MMP13: variants seen among roughly 807,000 people sequenced by gnomAD.
The protein encoded by MMP13 is collagenase 3.
MMP13 carries 45 observed loss-of-function variants against 52.1 expected under a neutral mutation model. That is an observed-to-expected ratio of 0.86 (90% CI 0.68 to 1.11). MMP13 has a LOEUF of 1.11. MMP13 is among the 50% of genes least tolerant of loss of function. MMP13 has a pLI of 0.00. For synonymous variants in MMP13, 200 were observed against 204.4 expected (o/e 0.98, Z 0.18); for missense variants, 576 against 583.8 (o/e 0.99, Z 0.14).
At chr11:102,947,556 G>A (rs1368888665) in intron 8 of MMP13, among the ~76,000 whole-genome samples, 1 of 151,682 alleles carries the variant, frequency 6.6e-6, no homozygotes, top group Non-Finnish European at 1.5e-5. Flanking sequence ...CTGGATAACA[G>A]AGCAAGACTC....
rs17860568 is a variant in MMP13 at position 102,947,933 on chromosome 11, T to A, written c.1169A>T (p.Asp390Val). 4 of 1,613,966 alleles carry A rather than the reference T, an allele frequency of 2.5e-6. No homozygotes were observed. The Admixed American group carries it at 6.7e-5, about 27-fold the overall frequency. ...KKISAAVHFEDTGKTLLFSGN... is the reference protein window; with the variant it reads ...KKISAAVHFEVTGKTLLFSGN... ...TGAGAACAGGAGAGTCTTGCCTGTATCCTCAAAGTGAACAGCTGCACTTAT... is the reference window on the plus strand; with the variant it reads ...TGAGAACAGGAGAGTCTTGCCTGTAACCTCAAAGTGAACAGCTGCACTTAT... Residue 390 changes from aspartate to valine, a missense_variant, in exon 8 of 10, where the codon GAT (aspartate) becomes GTT (valine). By Grantham distance (152) the Asp-to-Val change is radical (BLOSUM62 -3). Transcript: ENST00000260302.
intron 8 of MMP13, among the ~76,000 whole-genome samples, chr11:102,946,882 T>C (rs1358434025): frequency 6.6e-6 from 1 of 152,152 alleles, no homozygotes; most frequent in East Asian, 1.9e-4. Context: ...TGTGCGGGTA[T>C]GCATGTGTGT....
In MMP13 at chr11:102,943,979, A is replaced by T; in HGVS notation, c.*287T>A. 2.6e-6 allele frequency: 1 copy of T among 377,372 alleles called. No homozygotes were observed. Among genetic ancestry groups the T allele is most frequent in the Non-Finnish European group, 5.1e-6 (1 of 196,940 alleles). The allele number at this position is 377,372 out of a possible 1,614,324, so 23.4% of individuals were successfully genotyped here. A position where few individuals can be genotyped will look rare whatever the true frequency, so the allele number is the denominator to read the frequency against. On this transcript the variant is annotated 3_prime_UTR_variant, in exon 10 of 10. Transcript: ENST00000260302. Reference sequence around the variant, plus strand: ...TTTTAAATTATGCTCTCATTGACAGACCATGTGTCCCATTTGTGGTGTGGG... The same window carrying T: ...TTTTAAATTATGCTCTCATTGACAGTCCATGTGTCCCATTTGTGGTGTGGG...
rs1860495774 is a variant in MMP13 at position 102,945,738 on chromosome 11, G to C, written c.1223C>G (p.Thr408Ser). 1 of 1,553,150 alleles carries C rather than the reference G, an allele frequency of 6.4e-7. No individual in the cohort carries two copies. Among genetic ancestry groups the C allele is most frequent in the Non-Finnish European group, 8.9e-7 (1 of 1,127,252 alleles). Residue 408 changes from threonine to serine, a missense_variant, in exon 9 of 10, where the codon ACT (threonine) becomes AGT (serine). Thr to Ser is a moderately conservative substitution (Grantham distance 58). Transcript: ENST00000260302. ...ATAGTCTTTATCCATAATATGGTTA[G>C]TATCATCATATCTATTTAAAGAAAA... ...SGNQVWRYDD[T>S]NHIMDKDYPR...
chr11:102,954,210 A>G lies in MMP13; in HGVS notation c.583T>C (p.Tyr195His), dbSNP rs941750303. ...TCATCAAAATGGGCATCTCCTCCAT[A>G]ATTTGGCCCAGGAGGAAAAGCATGA... ...LAHAFPPGPN[Y>H]GGDAHFDDDE... Residue 195 changes from tyrosine (Y) to histidine (H), a missense_variant, in exon 4 of 10, where the codon TAT becomes CAT. By Grantham distance (83) the Tyr-to-His change is moderately conservative. Transcript: ENST00000260302. The G allele has an allele frequency of 6.2e-7, 1 of 1,613,572 alleles. No homozygotes were observed. Among genetic ancestry groups the G allele is most frequent in the African/African-American group, 1.3e-5 (1 of 74,892 alleles).
chr11:102,944,109 A>G lies in MMP13; in HGVS notation c.*157T>C, dbSNP rs578180833. The G allele has an allele frequency of 2.7e-5, 18 of 675,088 alleles. 1 individual carries two copies. Among genetic ancestry groups the G allele is most frequent in the South Asian group, 2.5e-4 (18 of 71,340 alleles). The allele number at this position is 675,088 out of a possible 1,614,324, so 41.8% of individuals were successfully genotyped here. ...TTCTTCAATGTGGTTCCAGCCACGC[A>G]TAGTCATATAGATACTACATATTCA... On this transcript the variant is annotated 3_prime_UTR_variant, in exon 10 of 10. Transcript: ENST00000260302.
chr11:102,948,310 ATATTAAGT>A (rs560476030), intron 7 of MMP13, among the ~76,000 whole-genome samples: 93 of 152,296 alleles, frequency 6.1e-4, no homozygotes, highest in African/African-American at 2.2e-3. Context: ...TTAGCTCTGA[ATATTAAGT>A]TTAAAGCTAG....
At chr11:102,948,071 G>A in intron 7 of MMP13, 21 bp from the exon 8 acceptor site, 1 of 1,608,830 alleles carries the variant, frequency 6.2e-7, no homozygotes, top group South Asian at 1.1e-5. Context: ...TGAAATAACA[G>A]TTCTATTATC....
At position 102,949,959 on chromosome 11, in the gene MMP13, T is replaced by A; in HGVS notation, c.917+151A>T. ...AGTAAAACATTTATCCATCAGTCAT[T>A]TATTTGATCTGAAATATGTAAATAA... On this transcript the variant is annotated intron_variant, in intron 6 of 9. Transcript: ENST00000260302. The surrounding 1 kb of genome is among the most constrained non-coding windows in gnomAD (Gnocchi z 4.2). 1.4e-6 allele frequency: 1 copy of A among 725,566 alleles called. No homozygotes were observed. Among genetic ancestry groups the A allele is most frequent in the Non-Finnish European group, 2.5e-6 (1 of 394,278 alleles). The allele number at this position is 725,566 out of a possible 1,614,324, so 44.9% of individuals were successfully genotyped here.
chr11:102,954,234 G>A lies in MMP13; in HGVS notation c.559C>T (p.His187Tyr), dbSNP rs1591158841. The A allele has an allele frequency of 6.2e-7, 1 of 1,613,698 alleles. No homozygotes were observed. Among genetic ancestry groups the A allele is most frequent in the South Asian group, 1.1e-5 (1 of 91,066 alleles). Reference sequence around the variant, plus strand: ...TAATTTGGCCCAGGAGGAAAAGCATGAGCCAGCAGGCCAGAGGGCCCATCA... The same window carrying A: ...TAATTTGGCCCAGGAGGAAAAGCATAAGCCAGCAGGCCAGAGGGCCCATCA... ...PFDGPSGLLA[H>Y]AFPPGPNYGG... The change falls in exon 4 of 10, where the codon CAT (histidine) becomes TAT (tyrosine). Residue 187 changes from histidine to tyrosine, a missense_variant. By Grantham distance (83) the His-to-Tyr change is moderately conservative. Coordinates refer to ENST00000260302, the MANE Select transcript of MMP13 (RefSeq NM_002427.4).
Position 102,955,214 on chromosome 11 carries a change from G to A in MMP13, c.362+38C>T. 6.2e-7 allele frequency: 1 copy of A among 1,607,474 alleles called. No homozygotes were observed. The highest frequency in any genetic ancestry group is 8.5e-7 in the Non-Finnish European group (1 of 1,176,014). On this transcript the variant is annotated intron_variant, in intron 2 of 9. Transcript: ENST00000260302. The surrounding 1 kb of genome is among the most constrained non-coding windows in gnomAD (Gnocchi z 4.9). ...TTAGACATTTAATACTACAAGAAAA[G>A]GCTAACAAATATGAAAGAAAGATAG...
Position 102,954,445 on chromosome 11 carries a change from T to A in MMP13, c.511+13A>T, listed in dbSNP as rs749832764. On this transcript the variant is annotated intron_variant, in intron 3 of 9. Transcript: ENST00000260302. ...AATATAAAAATGTTTGTAAAATAAATGTGCATCATTACCCTTAATTCCAAA... is the reference window on the plus strand; with the variant it reads ...AATATAAAAATGTTTGTAAAATAAAAGTGCATCATTACCCTTAATTCCAAA... 9 of 1,611,692 alleles carry A rather than the reference T, an allele frequency of 5.6e-6. No homozygotes were observed. The highest frequency in any genetic ancestry group is 6.8e-6 in the Non-Finnish European group (8 of 1,178,444).
Position 102,952,883 on chromosome 11 carries a change from A to G in MMP13, c.638-710T>C, listed in dbSNP as rs190728189. Among the ~76,000 whole-genome samples, 1 of 152,244 alleles carries G rather than the reference A, an allele frequency of 6.6e-6. No individual in the cohort carries two copies. The highest frequency in any genetic ancestry group is 2.4e-5 in the African/African-American group (1 of 41,562). ...TTCAAACTGGAAAAAAGAAAATAAAAAACTAAAAGAAAAATAAGAAGTGCA... is the reference window on the plus strand; with the variant it reads ...TTCAAACTGGAAAAAAGAAAATAAAGAACTAAAAGAAAAATAAGAAGTGCA... On this transcript the variant is annotated intron_variant, in intron 4 of 9. Coordinates refer to ENST00000260302, the MANE Select transcript of MMP13 (RefSeq NM_002427.4). The surrounding 1 kb of genome is among the most constrained non-coding windows in gnomAD (Gnocchi z 4.3).
chr11:102,948,919 T>G, intron 7 of MMP13, 106 bp downstream of exon 7: 3 of 1,456,758 alleles, frequency 2.1e-6, no homozygotes, highest in Non-Finnish European at 2.9e-6. Context: ...TGGTCTTTAA[T>G]TTAGGTATAT....
chr11:102,945,667 C>CT lies in MMP13; in HGVS notation c.1293dup (p.Asp432ArgfsTer5). 1 of 1,598,740 alleles carries CT rather than the reference C, an allele frequency of 6.3e-7. No individual in the cohort carries two copies. Among genetic ancestry groups the CT allele is most frequent in the Non-Finnish European group, 8.6e-7 (1 of 1,166,938 alleles). On this transcript the variant is annotated frameshift_variant, in exon 9 of 10. Transcript: ENST00000260302. LOFTEE classifies it high-confidence loss of function. ...TTACCATTTTTCTCATAGACAGCAT[C>CT]TACTTTATCACCAATTCCTGGGAAG...
At chr11:102,951,583 CAGTGGTGAATTCAATTAGTAG>C (rs1426890278) in intron 5 of MMP13, among the ~76,000 whole-genome samples, 2 of 152,108 alleles carry the variant, frequency 1.3e-5, no homozygotes, top group Non-Finnish European at 2.9e-5. Flanking sequence ...GCAGCATTGG[CAGTGGTGAATTCAATTAGTAG>C]AGTCATGTGT....
rs1860540640 is a variant in MMP13, at chr11:102,947,925, T to C, written c.1177A>G (p.Lys393Glu). Reference sequence around the variant, plus strand: ...TGGTTTCCTGAGAACAGGAGAGTCTTGCCTGTATCCTCAAAGTGAACAGCT... The same window carrying C: ...TGGTTTCCTGAGAACAGGAGAGTCTCGCCTGTATCCTCAAAGTGAACAGCT... ...SAAVHFEDTG[K>E]TLLFSGNQVW... The change falls in exon 8 of 10, where the codon AAG becomes GAG. Residue 393 changes from lysine to glutamate, a missense_variant. By Grantham distance (56) the Lys-to-Glu change is moderately conservative. Coordinates refer to ENST00000260302, the MANE Select transcript of MMP13 (RefSeq NM_002427.4). 6.2e-7 allele frequency: 1 copy of C among 1,613,888 alleles called. No individual in the cohort carries two copies. Among genetic ancestry groups the C allele is most frequent in the Non-Finnish European group, 8.5e-7 (1 of 1,179,908 alleles).
intron 4 of MMP13, among the ~76,000 whole-genome samples, chr11:102,953,460 T>A (rs1404687386): frequency 6.6e-6 from 1 of 152,194 alleles, no homozygotes; most frequent in Non-Finnish European, 1.5e-5. Flanking sequence ...AGACAACATC[T>A]ACTTGTCATA....
intron 9 of MMP13, chr11:102,945,241 CA>C (rs61571704): frequency 0.57 from 352,396 of 622,166 alleles, 56,131 homozygotes; most frequent in Admixed American, 0.76. Flanking sequence ...GAGACTCTGT[CA>C]AAAAAAAAAA....
Sources: allele counts gnomAD v4.1 joint callset (sites outside exome capture counted in the v4.1 genomes callset), GRCh38; gene constraint gnomAD v4.1.1; non-coding constraint Gnocchi (gnomAD v3.1); transcripts MANE v1.5; gene names NCBI Gene and HGNC (gene_info 2026-07-23, HGNC 2026-07-21).